DHRSX: variants seen among roughly 807,000 people sequenced by gnomAD.
DHRSX encodes dehydrogenase/reductase X-linked.
A neutral mutation model predicts 34.0 loss-of-function variants in DHRSX; 31 were observed. The ratio of observed to expected loss-of-function variants is 0.91; its 90% confidence interval spans 0.69 to 1.23. The LOEUF is 1.23. Ranked by LOEUF, DHRSX falls within the 50% of genes most tolerant of loss-of-function variation. The pLI is 0.00. For synonymous variants in DHRSX, 201 were observed against 183.8 expected, an observed-to-expected ratio of 1.09 and a Z score of -0.76; for missense variants, 414 against 428.1, an observed-to-expected ratio of 0.97 and a Z score of 0.29.
chrX:2,424,716 T>A (rs2043820754), intron 2 of DHRSX, among the ~76,000 whole-genome samples: 1 of 152,170 alleles, frequency 6.6e-6, no homozygotes, highest in Admixed American at 6.5e-5. Context: ...GTACAACAAT[T>A]TTCTGTGTTT....
chrX:2,418,049 A>G (rs983364897), intron 2 of DHRSX, among the ~76,000 whole-genome samples: 2 of 151,990 alleles, frequency 1.3e-5, no homozygotes, highest in African/African-American at 4.8e-5. Flanking sequence ...TAACTCAACA[A>G]GACCTCATCA....
At chrX:2,458,436 T>A (rs946133532) in intron 1 of DHRSX, among the ~76,000 whole-genome samples, 1 of 152,120 alleles carries the variant, frequency 6.6e-6, no homozygotes, top group African/African-American at 2.4e-5. Flanking sequence ...TCAACCCATG[T>A]TCAATCAACA....
At chrX:2,451,453 C>T (rs192529160) in intron 1 of DHRSX, among the ~76,000 whole-genome samples, 49 of 152,276 alleles carry the variant, frequency 3.2e-4, no homozygotes, top group African/African-American at 1.1e-3. Flanking sequence ...TTCTGAACCT[C>T]TGATCTGGGT....
intron 3 of DHRSX, among the ~76,000 whole-genome samples, chrX:2,363,646 TTTTATCACCGTTCTATGGTATCATGCTG>T (rs2042963989): frequency 6.7e-6 from 1 of 149,816 alleles, no homozygotes; most frequent in Non-Finnish European, 1.5e-5. Context: ...CATGCCGCCA[TTTTATCACCGTTCTATGGTATCATGCTG>T]CCATTTTATC....
intron 3 of DHRSX, among the ~76,000 whole-genome samples, chrX:2,365,518 G>A (rs977120683): frequency 2.0e-5 from 3 of 152,040 alleles, no homozygotes; most frequent in Non-Finnish European, 4.4e-5. Context: ...CATCCTAAGA[G>A]CTTGTCCTCA....
chrX:2,365,572 T>C (rs2042986282), intron 3 of DHRSX, among the ~76,000 whole-genome samples: 1 of 152,140 alleles, frequency 6.6e-6, no homozygotes, highest in African/African-American at 2.4e-5. Flanking sequence ...CTTTACTTCT[T>C]AAAATTTTAC....
chrX:2,237,851 G>T lies in DHRSX; in HGVS notation c.804+5172C>A, dbSNP rs375863290. 3.6e-3 allele frequency among the ~76,000 whole-genome samples: 540 copies of T among 152,106 alleles called. 3 individuals are homozygous for T. Among genetic ancestry groups the T allele is most frequent in the African/African-American group, 0.013 (521 of 41,514 alleles). The stretch of plus-strand genomic sequence containing the variant: ...CATTGATCTTGAGACAACTGGGGTG[G>T]GAAGAGAGGTAATAGCCACGTTCAT... On this transcript the variant is annotated intron_variant, in intron 6 of 6. Coordinates refer to ENST00000334651, the MANE Select transcript of DHRSX (RefSeq NM_145177.3).
chrX:2,314,494 GTA>G (rs2042218394), intron 3 of DHRSX, among the ~76,000 whole-genome samples: 1 of 111,646 alleles, frequency 9.0e-6, no homozygotes, highest in African/African-American at 4.7e-5. Flanking sequence ...AGGAAGGGAG[GTA>G]AAGGAGGTAA....
At position 2,314,479 on chromosome X, in the gene DHRSX, A is replaced by G. The variant is rs867482420; in HGVS notation, c.287-22876T>C. Among the ~76,000 whole-genome samples the G allele has an allele frequency of 1.5e-3, 78 of 52,996 alleles. 1 individual carries two copies. Among genetic ancestry groups the G allele is most frequent in the African/African-American group, 7.3e-3 (73 of 10,044 alleles). The allele number at this position is 52,996 out of a possible 152,430, so 34.8% of individuals were successfully genotyped here. ...GGAGGAAGGAAGGGGAGAAGGAAGG[A>G]AGGAAGGAAGGGAGGTAAAGGAGGT... On this transcript the variant is annotated intron_variant, in intron 3 of 6. Transcript: ENST00000334651.
chrX:2,414,824 C>T (rs963952460), intron 2 of DHRSX, among the ~76,000 whole-genome samples: 2 of 151,924 alleles, frequency 1.3e-5, no homozygotes, highest in Non-Finnish European at 2.9e-5. Context: ...GAACAACCTA[C>T]CAGAGCTCAT....
chrX:2,434,351 A>T (rs1474508763), intron 1 of DHRSX, among the ~76,000 whole-genome samples: 1 of 152,014 alleles, frequency 6.6e-6, no homozygotes. Context: ...TTTTCTTAGG[A>T]GATAAGTTGA....
chrX:2,437,654 T>C (rs2044008800), intron 1 of DHRSX, among the ~76,000 whole-genome samples: 1 of 150,058 alleles, frequency 6.7e-6, no homozygotes, highest in African/African-American at 2.5e-5. Flanking sequence ...TGATATACCA[T>C]TGTTTCCTAA....
At chrX:2,382,529 TACCATCATC>T (rs2043214437) in intron 3 of DHRSX, among the ~76,000 whole-genome samples, 3 of 35,160 alleles carry the variant, frequency 8.5e-5, no homozygotes, top group Non-Finnish European at 1.2e-4. Context: ...CCATCATCAC[TACCATCATC>T]ACCATCATCA....
chrX:2,495,325 C>T (rs916171111), intron 1 of DHRSX, among the ~76,000 whole-genome samples: 3 of 151,362 alleles, frequency 2.0e-5, no homozygotes, highest in African/African-American at 7.3e-5. Context: ...GAAAGACGCC[C>T]CAGTACCATG....
chrX:2,452,828 C>A (rs1362912434), intron 1 of DHRSX, among the ~76,000 whole-genome samples: 1 of 152,216 alleles, frequency 6.6e-6, no homozygotes, highest in African/African-American at 2.4e-5. Context: ...TTCCAAAGGT[C>A]CAGTCATGGG....
At chrX:2,337,705 G>A in intron 3 of DHRSX, 1 of 152,154 alleles carries the variant, frequency 6.6e-6, no homozygotes, top group East Asian at 1.9e-4. Context: ...GCTGAACGGT[G>A]CTACTCATCT....
chrX:2,369,197 G>A (rs2043028505), intron 3 of DHRSX, among the ~76,000 whole-genome samples: 1 of 152,174 alleles, frequency 6.6e-6, no homozygotes, highest in African/African-American at 2.4e-5. Context: ...AGCATTTCAT[G>A]TTGAGAGACA....
At chrX:2,428,093 G>A (rs973765942) in intron 1 of DHRSX, among the ~76,000 whole-genome samples, 6 of 152,004 alleles carry the variant, frequency 3.9e-5, no homozygotes, top group Non-Finnish European at 8.8e-5. Flanking sequence ...AATAGACATC[G>A]AGGACTCAGA....
intron 6 of DHRSX, among the ~76,000 whole-genome samples, chrX:2,221,630 C>G (rs2015521636): frequency 6.6e-6 from 1 of 152,150 alleles, no homozygotes. Context: ...GATGAAACAT[C>G]AGGACATCAA....
Sources: gnomAD v4.1 joint callset for allele counts (sites outside exome capture counted in the v4.1 genomes callset) on GRCh38, gnomAD v4.1.1 for gene constraint, MANE v1.5 for transcripts, NCBI Gene and HGNC (gene_info 2026-07-23, HGNC 2026-07-21) for gene names.